The following SPECC1 variants were observed in gnomAD, a reference collection of about 807,000 sequenced individuals.
SPECC1 encodes sperm antigen with calponin homology and coiled-coil domains 1, also known as cytospin-B.
A neutral mutation model predicts 104.1 loss-of-function variants in SPECC1; 62 were observed. That is an observed-to-expected ratio of 0.60 (90% confidence interval 0.49 to 0.74). SPECC1 has a LOEUF of 0.74. Among genes scored for constraint, SPECC1 ranks in the 30% least tolerant of loss-of-function variants. SPECC1 has a pLI of 0.00. For synonymous variants in SPECC1, 513 were observed against 501.6 expected, an observed-to-expected ratio of 1.02 and a Z score of -0.30; for missense variants, 1,306 against 1,310.5, an observed-to-expected ratio of 1.00 and a Z score of 0.05.
At chr17:20,161,934 A>G (rs775662841) in intron 3 of SPECC1, among the ~76,000 whole-genome samples, 18 of 151,420 alleles carry the variant, frequency 1.2e-4, no homozygotes, top group Non-Finnish European at 2.5e-4. Flanking sequence ...ACCTGGGACT[A>G]CAGGTGCGTG....
chr17:20,155,872 G>A (rs2152570779), intron 3 of SPECC1: 1 of 1,090,744 alleles, frequency 9.2e-7, no homozygotes, highest in African/African-American at 1.6e-5. Flanking sequence ...AGGAAATACA[G>A]ATGAGGTGGG....
At chr17:20,023,469 G>A (rs186342358) in intron 1 of SPECC1, among the ~76,000 whole-genome samples, 207 of 152,270 alleles carry the variant, frequency 1.4e-3, no homozygotes, top group African/African-American at 4.8e-3. Context: ...TGAGGGAGCA[G>A]GCAATTACTA....
chr17:20,041,620 CTTTTTTTTTTTT>C (rs35255510), intron 1 of SPECC1, among the ~76,000 whole-genome samples: 1 of 51,208 alleles, frequency 2.0e-5, no homozygotes, highest in African/African-American at 5.6e-5. Flanking sequence ...TTTGTTGAGG[CTTTTTTTTTTTT>C]TTTTTTTTTT....
chr17:20,111,812 G>A (rs957538452), intron 3 of SPECC1: 14 of 831,602 alleles, frequency 1.7e-5, no homozygotes, highest in Non-Finnish European at 2.5e-5. Flanking sequence ...GACCCAGGGG[G>A]GGGGCAGCGC....
intron 3 of SPECC1, among the ~76,000 whole-genome samples, chr17:20,133,941 T>A (rs1055328832): frequency 3.9e-5 from 6 of 152,138 alleles, no homozygotes; most frequent in African/African-American, 1.2e-4. Flanking sequence ...AAAAGAGATG[T>A]GAAGTGTTTC....
chr17:20,311,093 T>C (rs891449465), intron 14 of SPECC1, among the ~76,000 whole-genome samples: 6 of 118,576 alleles, frequency 5.1e-5, no homozygotes, highest in African/African-American at 2.3e-4. Context: ...GATTTAGACC[T>C]TAGTGGGGTT....
intron 12 of SPECC1, among the ~76,000 whole-genome samples, chr17:20,262,543 G>T (rs553917846): frequency 6.6e-6 from 1 of 152,146 alleles, no homozygotes; most frequent in Non-Finnish European, 1.5e-5. Flanking sequence ...TTTCCTGTTG[G>T]CTGGGGAGGC....
chr17:20,297,113 AG>A, intron 13 of SPECC1, 36 bp downstream of exon 13: 6 of 1,580,934 alleles, frequency 3.8e-6, no homozygotes, highest in Non-Finnish European at 5.2e-6. Flanking sequence ...TTATCCTCTA[AG>A]AAATGCAGGA....
intron 12 of SPECC1, among the ~76,000 whole-genome samples, chr17:20,265,727 T>G (rs1407706610): frequency 5.3e-5 from 8 of 152,226 alleles, no homozygotes; most frequent in Non-Finnish European, 1.2e-4. Flanking sequence ...TAGTTCGAAG[T>G]CTTATATTTA....
chr17:20,160,029 G>A (rs1555617416), intron 3 of SPECC1, among the ~76,000 whole-genome samples: 1 of 152,094 alleles, frequency 6.6e-6, no homozygotes, highest in Non-Finnish European at 1.5e-5. Context: ...AGTTTAGAAG[G>A]TTTTCCCTAG....
chr17:20,127,757 T>C (rs1358773126), intron 3 of SPECC1, among the ~76,000 whole-genome samples: 1 of 152,168 alleles, frequency 6.6e-6, no homozygotes, highest in African/African-American at 2.4e-5. Flanking sequence ...ATTGTTACTT[T>C]AGTGCCTGTT....
At chr17:20,182,783 G>GGTGATGC (rs1166891807) in intron 3 of SPECC1, among the ~76,000 whole-genome samples, 1 of 152,200 alleles carries the variant, frequency 6.6e-6, no homozygotes, top group Non-Finnish European at 1.5e-5. Flanking sequence ...AGAGAACCAA[G>GGTGATGC]GTGATGCATG....
In SPECC1 at chr17:20,152,717, G is replaced by T. The variant is rs1283666025; in HGVS notation, c.283+42155G>T. On this transcript the variant is annotated intron_variant, in intron 3 of 14. Coordinates refer to ENST00000395527, the MANE Select transcript of SPECC1 (RefSeq NM_001243439.2). ...AGATGGAGTCTTGCTCTGTTGCCAG[G>T]CTGGAGTACAATGGTGCGATCTCGG... is the stretch of plus-strand genomic sequence containing the variant. 3.3e-5 allele frequency among the ~76,000 whole-genome samples: 5 copies of T among 152,142 alleles called. No homozygotes were observed. In the South Asian group the frequency reaches 1.0e-3, roughly 31 times the overall value.
rs746420873 is a variant in SPECC1, at chr17:20,253,544, G to C, written c.2638G>C (p.Gly880Arg). The change falls in exon 10 of 15, where the codon GGG becomes CGG. Residue 880 changes from glycine (G) to arginine (R), a missense_variant. This residue lies in a region of SPECC1 where 1,177 missense variants were observed against 1,139.9 expected (regional missense o/e 1.03). Coordinates refer to ENST00000395527, the MANE Select transcript of SPECC1 (RefSeq NM_001243439.2). ...CAGCAGTGTGCGGCCAGCCAGCAGA[G>C]GGGTGACTCAACGCTTGGACCTTCC... ...TYSSVRPASR[G>R]VTQRLDLPDL... The C allele has an allele frequency of 5.6e-6, 9 of 1,614,060 alleles. No homozygotes were observed. Among genetic ancestry groups the C allele is most frequent in the Middle Eastern group, 1.7e-4 (1 of 5,970 alleles).
chr17:20,143,066 AAAT>A (rs1043932855), intron 3 of SPECC1, among the ~76,000 whole-genome samples: 5 of 152,052 alleles, frequency 3.3e-5, no homozygotes, highest in African/African-American at 9.7e-5. Context: ...TAAAAAATAA[AAAT>A]AATAAAGGGA....
chr17:20,180,366 A>G (rs1031667312), intron 3 of SPECC1, among the ~76,000 whole-genome samples: 2 of 152,244 alleles, frequency 1.3e-5, no homozygotes, highest in African/African-American at 4.8e-5. Context: ...GCAAGATGCA[A>G]GAACAAAAGC....
chr17:20,080,500 C>T (rs997985953), intron 1 of SPECC1, among the ~76,000 whole-genome samples: 2 of 152,136 alleles, frequency 1.3e-5, no homozygotes, highest in Admixed American at 6.5e-5. Context: ...CTCCTTATAA[C>T]GAGAAGAGCC....
At chr17:20,313,852 G>C (rs554781410) in intron 14 of SPECC1, 124 bp from the exon 15 acceptor site, 12 of 837,084 alleles carry the variant, frequency 1.4e-5, no homozygotes, top group Non-Finnish European at 2.3e-5. Context: ...TGGCCTTCAC[G>C]TTCTGTCTGT....
intron 3 of SPECC1, among the ~76,000 whole-genome samples, chr17:20,172,587 C>A (rs75192055): frequency 2.6e-5 from 4 of 152,218 alleles, no homozygotes; most frequent in African/African-American, 9.6e-5. Flanking sequence ...TATGTGAGGG[C>A]CCATGGCAGG....
Sources: gnomAD v4.1 joint callset for allele counts (sites outside exome capture counted in the v4.1 genomes callset) on GRCh38, gnomAD v4.1.1 for gene constraint, gnomAD v4.1.1 regional missense constraint, MANE v1.5 for transcripts, NCBI Gene and HGNC (gene_info 2026-07-23, HGNC 2026-07-21) for gene names.